CLIC5: variants seen among roughly 807,000 people sequenced by gnomAD.
CLIC5 encodes CLIC family member 5.
A neutral mutation model predicts 24.7 loss-of-function variants in CLIC5; 20 were observed. That is an observed-to-expected ratio of 0.81 (90% CI 0.57 to 1.18). The LOEUF is 1.18. Among genes scored for constraint, CLIC5 ranks in the 50% most tolerant of loss-of-function variants. The pLI is 0.00. For synonymous variants in CLIC5, 159 were observed against 135.6 expected (o/e 1.17, Z -1.20); for missense variants, 341 against 326.1 (o/e 1.05, Z -0.35).
intron 6 of CLIC5, among the ~76,000 whole-genome samples, chr6:45,889,308 T>C (rs1762329817): frequency 6.6e-6 from 1 of 152,160 alleles, no homozygotes; most frequent in Non-Finnish European, 1.5e-5. Context: ...TCTTTTTTTA[T>C]AAGGGCATTA....
intron 4 of CLIC5, among the ~76,000 whole-genome samples, chr6:45,926,228 C>CATATATATATATATATATATAT (rs10543677): frequency 6.9e-6 from 1 of 144,068 alleles, no homozygotes; most frequent in African/African-American, 2.6e-5. Flanking sequence ...CATACATATA[C>CATATATATATATATATATATAT]ATATATATAT....
chr6:45,896,196 A>G (rs1762391341), downstream of CLIC5, among the ~76,000 whole-genome samples: 1 of 152,222 alleles, frequency 6.6e-6, no homozygotes, highest in African/African-American at 2.4e-5. Context: ...ACTTTAAAAG[A>G]AAAAATTCAC....
chr6:46,014,303 T>C (rs1242753214), intron 1 of CLIC5: 1 of 152,202 alleles, frequency 6.6e-6, no homozygotes, highest in Non-Finnish European at 1.5e-5. Flanking sequence ...AAGGTTTATG[T>C]AGATCTCATA....
chr6:46,020,812 T>C (rs1025967278), upstream of CLIC5, among the ~76,000 whole-genome samples: 1 of 151,788 alleles, frequency 6.6e-6, no homozygotes, highest in South Asian at 2.1e-4. Context: ...GAACATAAAT[T>C]AGACCATTTA....
chr6:45,881,028 G>T (rs1031090319), exon 7 of CLIC5: 2 of 389,910 alleles, frequency 5.1e-6, no homozygotes, highest in Non-Finnish European at 9.0e-6. Flanking sequence ...AAACTCTTAG[G>T]TTTTTTTTTC....
At chr6:45,941,292 A>C (rs1764121362) in intron 4 of CLIC5, among the ~76,000 whole-genome samples, 2 of 152,192 alleles carry the variant, frequency 1.3e-5, no homozygotes, top group Non-Finnish European at 2.9e-5. Flanking sequence ...GACAAAGAGC[A>C]TCCCTCTCTC....
intron 4 of CLIC5, chr6:45,920,114 C>T (rs1763196477): frequency 4.2e-6 from 4 of 956,850 alleles, no homozygotes; most frequent in Non-Finnish European, 5.0e-6. Context: ...TCATGACTCC[C>T]CCATGCCTTA....
At chr6:45,976,205 A>G (rs78161622) in intron 1 of CLIC5, among the ~76,000 whole-genome samples, 4,720 of 152,344 alleles carry the variant, frequency 0.031, 243 homozygotes, top group African/African-American at 0.1. Context: ...ATACGGCAGA[A>G]TGGAATAAAT....
At chr6:46,015,314 C>T (rs556998656) in intron 1 of CLIC5, among the ~76,000 whole-genome samples, 166 bp downstream of exon 1, 1 of 152,328 alleles carries the variant, frequency 6.6e-6, no homozygotes, top group East Asian at 1.9e-4. Context: ...TCCATTCCGC[C>T]CAGGAGCCTC....
chr6:45,992,220 C>A (rs1428418304), intron 1 of CLIC5, among the ~76,000 whole-genome samples: 1 of 152,192 alleles, frequency 6.6e-6, no homozygotes, highest in Non-Finnish European at 1.5e-5. Flanking sequence ...TGCATTCCTG[C>A]ACATCCTGTG....
At position 45,889,614 on chromosome 6, in the gene CLIC5, G is replaced by A. The variant is rs186540053; in HGVS notation, c.624-8426C>T. Among the ~76,000 whole-genome samples, 79 of 152,290 alleles carry A rather than the reference G, an allele frequency of 5.2e-4. No individual in the cohort carries two copies. The East Asian group carries it at 0.014, about 27-fold the overall frequency. The stretch of plus-strand genomic sequence containing the variant: ...AAGAAACAAATAAAGTCTTAATTTA[G>A]ATAGGGTGAAGGAAGTATGATGATC... On this transcript the variant is annotated intron_variant, in intron 6 of 6. Coordinates refer to the CLIC5 transcript ENST00000644324.
Position 45,950,222 on chromosome 6 carries a change from G to A in CLIC5, c.174-841C>T, listed in dbSNP as rs77269554. Among the ~76,000 whole-genome samples the A allele has an allele frequency of 3.4e-3, 517 of 152,254 alleles. 5 individuals are homozygous for A. Among genetic ancestry groups the A allele is most frequent in the African/African-American group, 0.012 (486 of 41,542 alleles). On this transcript the variant is annotated intron_variant, in intron 2 of 5. Coordinates refer to ENST00000339561, the MANE Select transcript of CLIC5 (RefSeq NM_016929.5). ...ACCCAGAACCATGCCTGGCATATAG[G>A]AGGCCCTCAGTAGATACATATTTTT...
chr6:46,002,559 C>T (rs907285488), intron 1 of CLIC5, among the ~76,000 whole-genome samples: 4 of 152,206 alleles, frequency 2.6e-5, no homozygotes, highest in African/African-American at 9.7e-5. Flanking sequence ...TTCTGGTCCT[C>T]TTCCCTCTGC....
chr6:46,104,486 G>T, the CLIC5 span, among the ~76,000 whole-genome samples: 2 of 151,766 alleles, frequency 1.3e-5, no homozygotes, highest in Non-Finnish European at 2.9e-5. Flanking sequence ...TTGCTTGTTA[G>T]TCTATGGCAA....
At chr6:45,946,495 T>C (rs979051175) in intron 3 of CLIC5, among the ~76,000 whole-genome samples, 1 of 152,224 alleles carries the variant, frequency 6.6e-6, no homozygotes, top group Non-Finnish European at 1.5e-5. Flanking sequence ...GTGTTGGCTT[T>C]TGGCAGCTTT....
the CLIC5 span, among the ~76,000 whole-genome samples, chr6:46,122,767 G>C: frequency 1.3e-5 from 2 of 152,194 alleles, no homozygotes; most frequent in African/African-American, 4.8e-5. Context: ...CGATCCCACA[G>C]AAATACAAAC....
intron 1 of CLIC5, among the ~76,000 whole-genome samples, chr6:46,000,585 AG>A (rs1766317782): frequency 6.6e-6 from 1 of 152,214 alleles, no homozygotes; most frequent in Non-Finnish European, 1.5e-5. Flanking sequence ...TAAAGAAAAG[AG>A]GTTTAATTGA....
intron 1 of CLIC5, among the ~76,000 whole-genome samples, chr6:46,040,335 A>AAT (rs1359469418): frequency 1.3e-5 from 2 of 152,158 alleles, no homozygotes; most frequent in Non-Finnish European, 2.9e-5. Flanking sequence ...TAATGGTGAT[A>AAT]ATAGCTGATC....
intron 1 of CLIC5, among the ~76,000 whole-genome samples, chr6:46,063,591 C>A (rs543612462): frequency 1.3e-5 from 2 of 152,224 alleles, no homozygotes; most frequent in African/African-American, 4.8e-5. Context: ...GCAGAGGAGT[C>A]CCCTTGAATC....
Sources: gnomAD v4.1 joint callset for allele counts (sites outside exome capture counted in the v4.1 genomes callset) on GRCh38, gnomAD v4.1.1 for gene constraint, MANE v1.5 for transcripts, NCBI Gene and HGNC (gene_info 2026-07-23, HGNC 2026-07-21) for gene names.